Variants in KIF26B observed in about 807,000 individuals in gnomAD.
The protein encoded by KIF26B is kinesin-like protein KIF26B.
A neutral mutation model predicts 151.2 loss-of-function variants in KIF26B; 63 were observed. The ratio of observed to expected loss-of-function variants is 0.42; its 90% CI spans 0.34 to 0.51. KIF26B has a LOEUF of 0.51. Ranked by LOEUF, KIF26B falls within the 20% of genes least tolerant of loss-of-function variation. KIF26B has a pLI of 0.07. For missense variants in KIF26B, 2,813 were observed against 2,913.6 expected, an observed-to-expected ratio of 0.97 and a Z score of 0.79; for synonymous variants, 1,357 against 1,262.1, an observed-to-expected ratio of 1.08 and a Z score of -1.59.
At chr1:245,155,642 C>A (rs1269431195) in intron 1 of KIF26B, among the ~76,000 whole-genome samples, 155 bp downstream of exon 1, 4 of 152,078 alleles carry the variant, frequency 2.6e-5, no homozygotes, top group Non-Finnish European at 4.4e-5. Flanking sequence ...GGAGGCGGGT[C>A]GGCCGCGGGG....
chr1:245,555,635 C>G (rs1045006888), intron 5 of KIF26B, among the ~76,000 whole-genome samples: 1 of 152,142 alleles, frequency 6.6e-6, no homozygotes, highest in South Asian at 2.1e-4. Flanking sequence ...GCTGGAAAGA[C>G]AGACAAACGT....
At chr1:245,471,079 T>C (rs866659314) in intron 4 of KIF26B, among the ~76,000 whole-genome samples, 18 of 151,984 alleles carry the variant, frequency 1.2e-4, no homozygotes, top group African/African-American at 4.4e-4. Flanking sequence ...TAAAAATGAT[T>C]ACCAAAGTTG....
At chr1:245,321,003 G>T (rs758558797) in intron 2 of KIF26B, among the ~76,000 whole-genome samples, 1 of 152,124 alleles carries the variant, frequency 6.6e-6, no homozygotes, top group African/African-American at 2.4e-5. Flanking sequence ...TAAACAAAAG[G>T]CCATCAAGCA....
intron 4 of KIF26B, among the ~76,000 whole-genome samples, chr1:245,490,907 A>T (rs941563727): frequency 1.1e-4 from 17 of 152,272 alleles, no homozygotes; most frequent in African/African-American, 4.1e-4. Flanking sequence ...TGTGAAATAC[A>T]TTAACTCTCC....
chr1:245,463,370 G>A (rs1288963111), intron 4 of KIF26B, among the ~76,000 whole-genome samples: 2 of 152,188 alleles, frequency 1.3e-5, no homozygotes, highest in African/African-American at 2.4e-5. Context: ...CAATGGTGTG[G>A]CCGTCCTTCA....
intron 2 of KIF26B, among the ~76,000 whole-genome samples, chr1:245,361,843 A>G (rs1672825971): frequency 6.6e-6 from 1 of 152,072 alleles, no homozygotes; most frequent in African/African-American, 2.4e-5. Flanking sequence ...CCTCTTTGCC[A>G]ATCAGAGTGA....
At chr1:245,693,642 A>C (rs546241515) in intron 12 of KIF26B, among the ~76,000 whole-genome samples, 86 of 152,082 alleles carry the variant, frequency 5.7e-4, no homozygotes, top group African/African-American at 2.0e-3. Flanking sequence ...TGTGACTTGC[A>C]CCTGTAGTGA....
rs1171274549 is a variant in KIF26B, at chr1:245,706,965, T to C, written c.*4359T>C. 4 of 152,238 alleles carry C rather than the reference T, an allele frequency of 2.6e-5. No homozygotes were observed. The highest frequency in any genetic ancestry group is 4.4e-5 in the Non-Finnish European group (3 of 68,038). 9.4% of individuals were successfully genotyped at this position (152,238 alleles called of 1,614,324 possible). The stretch of plus-strand genomic sequence containing the variant: ...CACCTCCAGAAAGTATCTGTCAACA[T>C]TGGTGGGTAACAGCTTATAAAGTGC... On this transcript the variant is annotated 3_prime_UTR_variant, in exon 15 of 15. Transcript: ENST00000407071.
At chr1:245,613,113 C>A (rs2043546585) in intron 9 of KIF26B, among the ~76,000 whole-genome samples, 1 of 152,162 alleles carries the variant, frequency 6.6e-6, no homozygotes, top group Admixed American at 6.5e-5. Flanking sequence ...TCCTCCATGT[C>A]CCGCTCTGCC....
In KIF26B at chr1:245,244,035, C is replaced by T. The variant is rs1374216639; in HGVS notation, c.465+87352C>T. 1.3e-5 allele frequency among the ~76,000 whole-genome samples: 2 copies of T among 152,160 alleles called. No individual in the cohort carries two copies. The highest frequency in any genetic ancestry group is 1.9e-4 in the East Asian group (1 of 5,186). On this transcript the variant is annotated intron_variant, in intron 2 of 14. Transcript: ENST00000407071. This position sits in a 1 kb window ranked among gnomAD's most constrained non-coding sequence, Gnocchi z 4.2. Reference sequence around the variant, plus strand: ...GCTCACTGCAGTCTCCAGCTCCTCACTCAAGCAATCCTCTTGCCTCGGCCT... The same window carrying T: ...GCTCACTGCAGTCTCCAGCTCCTCATTCAAGCAATCCTCTTGCCTCGGCCT...
chr1:245,361,583 C>T (rs956692324), intron 2 of KIF26B, among the ~76,000 whole-genome samples: 5 of 152,142 alleles, frequency 3.3e-5, no homozygotes, highest in African/African-American at 7.2e-5. Context: ...GTTCAGACTC[C>T]GGGTAGGACA....
intron 3 of KIF26B, among the ~76,000 whole-genome samples, chr1:245,397,421 G>A (rs1673875479): frequency 6.6e-6 from 1 of 152,066 alleles, no homozygotes; most frequent in South Asian, 2.1e-4. Flanking sequence ...TCACCATGTT[G>A]GTCAGGCTGG....
intron 2 of KIF26B, among the ~76,000 whole-genome samples, chr1:245,187,611 G>T (rs1001920338): frequency 6.6e-6 from 1 of 152,192 alleles, no homozygotes; most frequent in Admixed American, 6.5e-5. Context: ...GAAGGTTCAG[G>T]TTCTTGTCTT....
In KIF26B at chr1:245,687,896, C is replaced by T. The variant is rs772946317; in HGVS notation, c.4913C>T (p.Pro1638Leu). The change falls in exon 12 of 15, where the codon CCA (proline) becomes CTA (leucine). Residue 1638 changes from proline (P) to leucine (L), a missense_variant. Pro to Leu is a moderately conservative substitution (Grantham distance 98). Around this residue, in one of 3 missense-constraint regions of KIF26B, gnomAD observed 2,060 missense variants for 2,088.6 expected, o/e 0.99. Transcript: ENST00000407071. The surrounding 1 kb of genome is among the most constrained non-coding windows in gnomAD (Gnocchi z 4.9). ...CCAGCCGCCTTCCCGGCGGGCCTCC[C>T]AGACGAGCCTAGCGGCAAGACGAAG... ...NQPAAFPAGL[P>L]DEPSGKTKDA... 2 of 1,591,634 alleles carry T rather than the reference C, an allele frequency of 1.3e-6. No homozygotes were observed. The highest frequency in any genetic ancestry group is 1.1e-5 in the South Asian group (1 of 87,280).
rs1671634732 is a variant in KIF26B at position 245,309,932 on chromosome 1, ATCTC to A, written c.466-56895_466-56892del. On this transcript the variant is annotated intron_variant, in intron 2 of 14. Coordinates refer to ENST00000407071, the MANE Select transcript of KIF26B (RefSeq NM_018012.4). The stretch of plus-strand genomic sequence containing the variant: ...TTACTATATATATAAATCAATAAAT[ATCTC>A]TCTCTCACTATATGTATATATATCC... Among the ~76,000 whole-genome samples, 2 of 146,624 alleles carry A rather than the reference ATCTC, an allele frequency of 1.4e-5. 1 individual carries two copies. The highest frequency in any genetic ancestry group is 1.4e-4 in the Admixed American group (2 of 14,532).
At chr1:245,666,019 T>TTTTGG (rs2044210165) in intron 10 of KIF26B, among the ~76,000 whole-genome samples, 1 of 144,864 alleles carries the variant, frequency 6.9e-6, no homozygotes, top group Non-Finnish European at 1.5e-5. Context: ...TTTTTTTTTT[T>TTTTGG]GAGACGGAGT....
At chr1:245,353,500 C>G (rs1672615674) in intron 2 of KIF26B, among the ~76,000 whole-genome samples, 1 of 152,150 alleles carries the variant, frequency 6.6e-6, no homozygotes, top group African/African-American at 2.4e-5. Flanking sequence ...TCCTTGTGGT[C>G]AGGCCCAGAA....
rs117555287 is a variant in KIF26B at position 245,279,458 on chromosome 1, C to A, written c.466-87376C>A. The stretch of plus-strand genomic sequence containing the variant: ...GAGTAGCTGGGACTACAGACATGCA[C>A]TATCACACGGGGCTAATTTTGTAAA... On this transcript the variant is annotated intron_variant, in intron 2 of 14. Coordinates refer to ENST00000407071, the MANE Select transcript of KIF26B (RefSeq NM_018012.4). Among the ~76,000 whole-genome samples the A allele has an allele frequency of 2.5e-3, 376 of 151,952 alleles. 11 individuals carry two copies. The East Asian group carries it at 0.049, about 20-fold the overall frequency.
chr1:245,453,649 C>A (rs1348068236), intron 4 of KIF26B, among the ~76,000 whole-genome samples: 3 of 152,080 alleles, frequency 2.0e-5, no homozygotes, highest in Non-Finnish European at 4.4e-5. Context: ...TAAATTGTGA[C>A]TTTTTCTATT....
Sources: gnomAD v4.1 joint callset for allele counts (sites outside exome capture counted in the v4.1 genomes callset) on GRCh38, gnomAD v4.1.1 for gene constraint, gnomAD v4.1.1 regional missense constraint, Gnocchi (gnomAD v3.1) non-coding constraint, MANE v1.5 for transcripts, NCBI Gene and HGNC (gene_info 2026-07-23, HGNC 2026-07-21) for gene names.